Variants in GRID2 observed in about 807,000 individuals in gnomAD.
The protein encoded by GRID2 is glutamate ionotropic receptor delta type subunit 2, also known as glutamate receptor ionotropic, delta-2.
In GRID2, 33 loss-of-function variants were observed where a neutral mutation model predicts 114.8. The observed-to-expected ratio is 0.29, with a 90% CI of 0.22 to 0.38. The LOEUF (loss-of-function observed/expected upper bound fraction) is 0.38. Ranked by LOEUF, GRID2 falls within the 10% of genes least tolerant of loss-of-function variation. The pLI, the probability that GRID2 is intolerant of heterozygous loss-of-function variation, is 1.00. For synonymous variants in GRID2, 505 were observed against 449.9 expected (o/e 1.12, Z -1.55); for missense variants, 1,184 against 1,257.7 (o/e 0.94, Z 0.89).
chr4:93,148,530 C>G (rs1190343239), intron 4 of GRID2, among the ~76,000 whole-genome samples: 1 of 152,046 alleles, frequency 6.6e-6, no homozygotes, highest in Non-Finnish European at 1.5e-5. Context: ...GCAGTAAATT[C>G]TGTATTCTCA....
chr4:93,433,785 T>C (rs1203586216), intron 10 of GRID2, among the ~76,000 whole-genome samples: 2 of 152,218 alleles, frequency 1.3e-5, no homozygotes, highest in African/African-American at 4.8e-5. Context: ...ATTGACCTTT[T>C]ATTTAAATCC....
At chr4:92,827,184 G>A (rs1216462254) in intron 2 of GRID2, among the ~76,000 whole-genome samples, 1 of 151,864 alleles carries the variant, frequency 6.6e-6, no homozygotes, top group East Asian at 1.9e-4. Context: ...ATTTGCAAGT[G>A]TTAGGCAATT....
At chr4:92,320,455 T>C (rs1726250202) in intron 1 of GRID2, among the ~76,000 whole-genome samples, 2 of 152,104 alleles carry the variant, frequency 1.3e-5, no homozygotes, top group Non-Finnish European at 2.9e-5. Flanking sequence ...TAGAATTAAT[T>C]TCGAATAATA....
At chr4:93,101,992 C>T (rs1731748144) in intron 3 of GRID2, among the ~76,000 whole-genome samples, 1 of 152,078 alleles carries the variant, frequency 6.6e-6, no homozygotes, top group African/African-American at 2.4e-5. Flanking sequence ...ACTGGAAGCA[C>T]CTCAAAGACA....
chr4:93,580,440 G>C (rs1286387276), intron 13 of GRID2, among the ~76,000 whole-genome samples: 2 of 152,194 alleles, frequency 1.3e-5, no homozygotes, highest in Admixed American at 6.5e-5. Flanking sequence ...AAGAACTCCT[G>C]TGTTTTCAGG....
intron 2 of GRID2, among the ~76,000 whole-genome samples, chr4:92,651,299 G>C (rs754799889): frequency 6.6e-6 from 1 of 152,050 alleles, no homozygotes; most frequent in African/African-American, 2.4e-5. Context: ...CAGGGACTCA[G>C]TGTGGGTCTC....
chr4:93,270,575 G>A (rs1047813743), intron 8 of GRID2, among the ~76,000 whole-genome samples: 3 of 151,924 alleles, frequency 2.0e-5, no homozygotes, highest in African/African-American at 4.8e-5. Flanking sequence ...GCCTCACCTC[G>A]ACCGAGAGAG....
At chr4:92,663,184 G>A (rs1464352551) in intron 2 of GRID2, among the ~76,000 whole-genome samples, 2 of 150,842 alleles carry the variant, frequency 1.3e-5, no homozygotes, top group African/African-American at 2.4e-5. Context: ...GCCTCTTGAT[G>A]GACAAAAATA....
chr4:93,571,711 A>C (rs1168429133), intron 13 of GRID2, among the ~76,000 whole-genome samples: 1 of 152,172 alleles, frequency 6.6e-6, no homozygotes, highest in Non-Finnish European at 1.5e-5. Context: ...ATATAAAAGT[A>C]ATGCTTATTT....
chr4:92,931,837 T>G (rs1750264121), intron 2 of GRID2, among the ~76,000 whole-genome samples: 2 of 151,216 alleles, frequency 1.3e-5, no homozygotes, highest in African/African-American at 4.8e-5. Context: ...GTCAATTGTT[T>G]TTTGACAAAA....
intron 1 of GRID2, among the ~76,000 whole-genome samples, chr4:92,577,541 G>A (rs563599050): frequency 1.1e-3 from 168 of 152,228 alleles, no homozygotes; most frequent in African/African-American, 4.0e-3. Flanking sequence ...AAATGGCAAG[G>A]GATTCAGAAG....
intron 2 of GRID2, among the ~76,000 whole-genome samples, chr4:92,620,492 C>A (rs771809501): frequency 6.6e-6 from 1 of 151,564 alleles, no homozygotes; most frequent in African/African-American, 2.4e-5. Flanking sequence ...ACTCAAAGAA[C>A]GCTTCTAGCA....
chr4:92,888,598 A>T (rs957960659), intron 2 of GRID2, among the ~76,000 whole-genome samples: 5 of 152,106 alleles, frequency 3.3e-5, no homozygotes, highest in African/African-American at 1.2e-4. Flanking sequence ...AATTTTACAC[A>T]CCATATAATC....
intron 2 of GRID2, among the ~76,000 whole-genome samples, chr4:92,808,838 CTT>C (rs1280719775): frequency 2.0e-5 from 3 of 150,992 alleles, no homozygotes; most frequent in African/African-American, 7.3e-5. Context: ...CACTGAGAAA[CTT>C]ATATTCTCAG....
At chr4:92,800,344 T>TAAC (rs113981185) in intron 2 of GRID2, among the ~76,000 whole-genome samples, 3,774 of 151,228 alleles carry the variant, frequency 0.025, 100 homozygotes, top group East Asian at 0.12. Context: ...AAAAAAGAAA[T>TAAC]AAACTCAGCA....
intron 13 of GRID2, among the ~76,000 whole-genome samples, chr4:93,540,257 A>G (rs765072828): frequency 6.6e-6 from 1 of 151,920 alleles, no homozygotes; most frequent in Non-Finnish European, 1.5e-5. Flanking sequence ...CTCTAAATAT[A>G]TATATAAGGA....
At chr4:92,785,518 C>T (rs548049763) in intron 2 of GRID2, among the ~76,000 whole-genome samples, 1 of 151,600 alleles carries the variant, frequency 6.6e-6, no homozygotes, top group East Asian at 1.9e-4. Flanking sequence ...AGTATTCTAA[C>T]CAAAAATACA....
At chr4:93,146,862 A>G (rs1736314673) in intron 4 of GRID2, among the ~76,000 whole-genome samples, 1 of 152,162 alleles carries the variant, frequency 6.6e-6, no homozygotes, top group African/African-American at 2.4e-5. Flanking sequence ...TGCTCACTTA[A>G]AAAATATTGA....
chr4:92,938,280 T>C (rs1269125936), intron 2 of GRID2, among the ~76,000 whole-genome samples: 1 of 146,690 alleles, frequency 6.8e-6, no homozygotes, highest in African/African-American at 2.4e-5. Flanking sequence ...TTCTTATTTT[T>C]AGTTGGGATT....
Sources: allele counts gnomAD v4.1 joint callset (sites outside exome capture counted in the v4.1 genomes callset), GRCh38; gene constraint gnomAD v4.1.1; transcripts MANE v1.5; gene names NCBI Gene and HGNC (gene_info 2026-07-23, HGNC 2026-07-21).